CNTNAP5: variants seen among roughly 807,000 people sequenced by gnomAD.
CNTNAP5 encodes contactin-associated protein-like 5.
Under a neutral mutation model 150.2 loss-of-function variants are expected in CNTNAP5, and 72 were observed. The ratio of observed to expected loss-of-function variants is 0.48; its 90% CI spans 0.40 to 0.58. The LOEUF is 0.58. Ranked by LOEUF, CNTNAP5 falls within the 20% of genes least tolerant of loss-of-function variation. CNTNAP5 has a pLI of 0.00. For synonymous variants in CNTNAP5, 672 were observed against 619.8 expected, an observed-to-expected ratio of 1.08 and a Z score of -1.25; for missense variants, 1,636 against 1,626.2, an observed-to-expected ratio of 1.01 and a Z score of -0.10.
chr2:124,299,121 G>T (rs1897123), intron 3 of CNTNAP5, among the ~76,000 whole-genome samples: 102,528 of 152,032 alleles, frequency 0.67, 34,857 homozygotes, highest in East Asian at 0.88. Context: ...AATCCTGCTA[G>T]TATATGCTTC....
chr2:124,207,898 G>T (rs1265097868), intron 1 of CNTNAP5, among the ~76,000 whole-genome samples: 1 of 152,110 alleles, frequency 6.6e-6, no homozygotes, highest in East Asian at 1.9e-4. Flanking sequence ...TTAAATTACA[G>T]CACTGAATAC....
At chr2:124,545,045 A>G (rs1695480919) in intron 10 of CNTNAP5, among the ~76,000 whole-genome samples, 1 of 152,216 alleles carries the variant, frequency 6.6e-6, no homozygotes, top group African/African-American at 2.4e-5. Flanking sequence ...ACTTAAGAAG[A>G]CAAGTTTACT....
rs536438687 is a variant in CNTNAP5 at position 124,772,971 on chromosome 2, G to T, written c.2706G>T (p.Ser902=). The change falls in exon 17 of 24, where the codon TCG becomes TCT. Residue 902 remains serine (S), a synonymous_variant. Transcript: ENST00000682447. The part of the protein sequence containing the change: ...DNLPRSTRET[S]EEGHFRLQLN... ...TTCCAAGGAGCACCAGGGAGACGTC[G>T]GAGGAGGGCCATTTTCGACTGCAGC... is the stretch of plus-strand genomic sequence containing the variant. 2 of 1,613,572 alleles carry T rather than the reference G, an allele frequency of 1.2e-6. No homozygotes were observed. Among genetic ancestry groups the T allele is most frequent in the South Asian group, 2.2e-5 (2 of 91,060 alleles).
intron 13 of CNTNAP5, among the ~76,000 whole-genome samples, chr2:124,665,864 C>T (rs898638666): frequency 2.7e-5 from 4 of 146,088 alleles, no homozygotes; most frequent in Admixed American, 6.9e-5. Context: ...CCGGCCTGGG[C>T]GACAGAGCAA....
At chr2:124,030,771 T>C (rs932853946) in intron 1 of CNTNAP5, among the ~76,000 whole-genome samples, 4 of 152,160 alleles carry the variant, frequency 2.6e-5, no homozygotes, top group African/African-American at 9.7e-5. Context: ...AGCTTTGATT[T>C]AAAAAGTTGA....
At chr2:124,406,382 T>A (rs1424715331) in intron 3 of CNTNAP5, among the ~76,000 whole-genome samples, 2 of 152,234 alleles carry the variant, frequency 1.3e-5, no homozygotes, top group Non-Finnish European at 2.9e-5. Flanking sequence ...TTTGTCCTCT[T>A]GTATAATTCC....
intron 1 of CNTNAP5, among the ~76,000 whole-genome samples, chr2:124,077,910 A>T (rs1682475691): frequency 6.6e-6 from 1 of 152,180 alleles, no homozygotes; most frequent in Non-Finnish European, 1.5e-5. Flanking sequence ...CATTAAACAC[A>T]ATGAGGGCAT....
intron 3 of CNTNAP5, among the ~76,000 whole-genome samples, chr2:124,326,972 CTTTTTTTTTT>C (rs1192969997): frequency 1.5e-4 from 10 of 68,514 alleles, no homozygotes; most frequent in Non-Finnish European, 2.6e-4. Context: ...TAGATCCTGA[CTTTTTTTTTT>C]TTTTTTTTTT....
intron 7 of CNTNAP5, among the ~76,000 whole-genome samples, chr2:124,480,326 A>G (rs1286896103): frequency 6.6e-6 from 1 of 152,238 alleles, no homozygotes; most frequent in Non-Finnish European, 1.5e-5. Context: ...TAACAGATGT[A>G]TTGAAGAGTA....
chr2:124,682,717 T>A (rs1380058052), intron 13 of CNTNAP5, among the ~76,000 whole-genome samples: 1 of 152,120 alleles, frequency 6.6e-6, no homozygotes, highest in Non-Finnish European at 1.5e-5. Context: ...TTATGTTGTT[T>A]TAGAGAGAGA....
At chr2:124,510,861 A>G (rs891147820) in intron 8 of CNTNAP5, among the ~76,000 whole-genome samples, 1 of 152,112 alleles carries the variant, frequency 6.6e-6, no homozygotes, top group African/African-American at 2.4e-5. Flanking sequence ...TGGACTGTGA[A>G]CCTTATCTGA....
At chr2:124,824,138 G>A (rs1367919528) in intron 19 of CNTNAP5, among the ~76,000 whole-genome samples, 17 of 151,778 alleles carry the variant, frequency 1.1e-4, no homozygotes, top group Admixed American at 1.1e-3. Context: ...GGCTGGTCTT[G>A]AACTCTTGAC....
chr2:124,146,577 A>T (rs758536331), intron 1 of CNTNAP5, among the ~76,000 whole-genome samples: 1 of 152,108 alleles, frequency 6.6e-6, no homozygotes, highest in Non-Finnish European at 1.5e-5. Context: ...TAAATAATTT[A>T]TATTATATGT....
At chr2:124,143,726 T>A (rs1371395845) in intron 1 of CNTNAP5, among the ~76,000 whole-genome samples, 3 of 135,648 alleles carry the variant, frequency 2.2e-5, no homozygotes, top group East Asian at 2.2e-4. Flanking sequence ...CTTTGAAAAC[T>A]GGCACAAGAC....
At chr2:124,072,535 C>T (rs914340156) in intron 1 of CNTNAP5, among the ~76,000 whole-genome samples, 6 of 151,730 alleles carry the variant, frequency 4.0e-5, no homozygotes, top group Non-Finnish European at 7.4e-5. Context: ...AAAATTGCAG[C>T]GTGCAAAATC....
intron 16 of CNTNAP5, among the ~76,000 whole-genome samples, chr2:124,769,939 A>G (rs1255871542): frequency 6.6e-6 from 1 of 152,124 alleles, no homozygotes; most frequent in Non-Finnish European, 1.5e-5. Context: ...ATGAGTAGTA[A>G]GGTATTTGGC....
At chr2:124,624,517 A>G (rs1350811286) in intron 12 of CNTNAP5, among the ~76,000 whole-genome samples, 3 of 152,214 alleles carry the variant, frequency 2.0e-5, no homozygotes, top group Admixed American at 6.5e-5. Flanking sequence ...TTAATTACTT[A>G]CACATTATTC....
At chr2:124,858,304 C>G (rs1426230771) in intron 19 of CNTNAP5, among the ~76,000 whole-genome samples, 1 of 152,166 alleles carries the variant, frequency 6.6e-6, no homozygotes, top group Non-Finnish European at 1.5e-5. Flanking sequence ...ATCTAAAACA[C>G]CCCATCATCT....
chr2:124,823,568 A>C (rs957915338), intron 19 of CNTNAP5, among the ~76,000 whole-genome samples: 1 of 152,162 alleles, frequency 6.6e-6, no homozygotes, highest in Non-Finnish European at 1.5e-5. Context: ...ATCTACAAAC[A>C]TGAGAAGGAC....
Sources: allele counts gnomAD v4.1 joint callset (sites outside exome capture counted in the v4.1 genomes callset), GRCh38; gene constraint gnomAD v4.1.1; transcripts MANE v1.5; gene names NCBI Gene and HGNC (gene_info 2026-07-23, HGNC 2026-07-21).